Variants in DOCK5 observed in about 807,000 individuals in gnomAD.
DOCK5 encodes the protein dedicator of cytokinesis protein 5.
A neutral mutation model predicts 251.8 loss-of-function variants in DOCK5; 142 were observed. That is an observed-to-expected ratio of 0.56 (90% CI 0.49 to 0.65). DOCK5 has a LOEUF of 0.65. Among genes scored for constraint, DOCK5 ranks in the 30% least tolerant of loss-of-function variants. The probability of loss-of-function intolerance (pLI) is 0.00; values close to 1 mark genes in which losing one functional copy is unlikely to be tolerated. For synonymous variants in DOCK5, 842 were observed against 835.5 expected (o/e 1.01, Z -0.13); for missense variants, 2,111 against 2,312.3 (o/e 0.91, Z 1.79).
chr8:25,191,556 C>G (rs59311903), intron 1 of DOCK5, among the ~76,000 whole-genome samples: 3,404 of 152,200 alleles, frequency 0.022, 134 homozygotes, highest in African/African-American at 0.079. Context: ...CATAGAAGCT[C>G]TTTGGTGGTT....
chr8:25,374,363 G>T (rs569289366), intron 36 of DOCK5, among the ~76,000 whole-genome samples: 36 of 152,158 alleles, frequency 2.4e-4, no homozygotes, highest in Admixed American at 5.2e-4. Flanking sequence ...AATTAGCCGG[G>T]CCTGGTGGCA....
chr8:25,250,627 C>T (rs1803242696), intron 2 of DOCK5, among the ~76,000 whole-genome samples: 1 of 152,188 alleles, frequency 6.6e-6, no homozygotes, highest in Non-Finnish European at 1.5e-5. Flanking sequence ...ATTTATTGAG[C>T]ATGAGAGATG....
At chr8:25,294,194 CTCAGGAAATGGAGCTGCTGTG>C (rs1804562098) in intron 6 of DOCK5, among the ~76,000 whole-genome samples, 1 of 152,148 alleles carries the variant, frequency 6.6e-6, no homozygotes, top group African/African-American at 2.4e-5. Context: ...TTGGAAGTCG[CTCAGGAAATGGAGCTGCTGTG>C]TCAGTGCCTT....
Position 25,368,819 on chromosome 8 carries a change from A to G in DOCK5, c.3438+94A>G, listed in dbSNP as rs904186746. ...ATATAGAGAAGCAGTAACCTTAATAATGCAAGTCCATGTTGATCTGAAAGT... is the reference window on the plus strand; with the variant it reads ...ATATAGAGAAGCAGTAACCTTAATAGTGCAAGTCCATGTTGATCTGAAAGT... On this transcript the variant is annotated intron_variant, in intron 33 of 51. Transcript: ENST00000276440. 6.3e-6 allele frequency: 8 copies of G among 1,261,896 alleles called. No homozygotes were observed. The Admixed American group carries it at 2.2e-4, about 35-fold the overall frequency. 78.2% of individuals were successfully genotyped at this position (1,261,896 alleles called of 1,614,324 possible). A position where few individuals can be genotyped will look rare whatever the true frequency, so the allele number is the denominator to read the frequency against.
intron 2 of DOCK5, among the ~76,000 whole-genome samples, chr8:25,253,851 C>T (rs1277001885): frequency 6.6e-6 from 1 of 152,160 alleles, no homozygotes; most frequent in Non-Finnish European, 1.5e-5. Context: ...AAAGCAATCC[C>T]AATTAAAATC....
intron 22 of DOCK5, among the ~76,000 whole-genome samples, chr8:25,338,293 C>G (rs933001362): frequency 6.6e-6 from 1 of 151,736 alleles, no homozygotes; most frequent in Non-Finnish European, 1.5e-5. Flanking sequence ...TGCCCACCTC[C>G]GCCTCCCAAA....
In DOCK5 at chr8:25,184,838, G is replaced by C. The variant is rs147197943; in HGVS notation, c.-71G>C. ...GCGTCTGGGGCACGCAGGAGCGCGG[G>C]GCGGCGGCGGCCGGAGCCCGAGGAG... is the stretch of plus-strand genomic sequence containing the variant. On this transcript the variant is annotated 5_prime_UTR_variant, in exon 1 of 52. Coordinates refer to ENST00000276440, the MANE Select transcript of DOCK5 (RefSeq NM_024940.8). 0.049 allele frequency: 61,058 copies of C among 1,238,822 alleles called. 2,583 individuals are homozygous for C. Among genetic ancestry groups the C allele is most frequent in the African/African-American group, 0.2 (12,985 of 63,638 alleles). The allele number at this position is 1,238,822 out of a possible 1,614,324, so 76.7% of individuals were successfully genotyped here.
intron 22 of DOCK5, among the ~76,000 whole-genome samples, chr8:25,337,209 C>G (rs1463096630): frequency 2.6e-5 from 4 of 152,088 alleles, no homozygotes; most frequent in Non-Finnish European, 5.9e-5. Context: ...AAATTTCATA[C>G]TATCAAAAGA....
chr8:25,283,209 C>A (rs80038259), intron 5 of DOCK5, among the ~76,000 whole-genome samples: 1 of 152,096 alleles, frequency 6.6e-6, no homozygotes, highest in East Asian at 1.9e-4. Context: ...GATGACTCCC[C>A]CCGTGGTCTC....
chr8:25,402,486 C>T (rs893321361), intron 47 of DOCK5, among the ~76,000 whole-genome samples: 7 of 152,108 alleles, frequency 4.6e-5, no homozygotes, highest in Admixed American at 1.3e-4. Flanking sequence ...TTAGTAGAGA[C>T]GAGGTTTCAC....
Position 25,408,757 on chromosome 8 carries a change from C to A in DOCK5, c.5266-45C>A, listed in dbSNP as rs759669178. ...CTGTTGAGAGCATTGTTGAGCTCAG[C>A]CTTCCTCACCGTGAAAATGTTTTGC... On this transcript the variant is annotated intron_variant, in intron 49 of 51. Transcript: ENST00000276440. The A allele has an allele frequency of 1.5e-5, 24 of 1,607,622 alleles. No individual in the cohort carries two copies. In the Admixed American group the frequency reaches 3.9e-4, roughly 26 times the overall value.
intron 1 of DOCK5, among the ~76,000 whole-genome samples, chr8:25,215,644 TTA>T (rs1802224830): frequency 6.6e-6 from 1 of 152,120 alleles, no homozygotes; most frequent in Admixed American, 6.6e-5. Context: ...GGTCATTGTG[TTA>T]TTTCTATTTC....
chr8:25,317,065 G>T lies in DOCK5; in HGVS notation c.1377G>T (p.Lys459Asn). Residue 459 changes from lysine to asparagine, a missense_variant, in exon 14 of 52, where the codon AAG (lysine) becomes AAT (asparagine). By Grantham distance (94) the Lys-to-Asn change is moderately conservative. This residue lies in a region of DOCK5 where 1,717 missense variants were observed against 1,892.4 expected (regional missense o/e 0.91). Coordinates refer to ENST00000276440, the MANE Select transcript of DOCK5 (RefSeq NM_024940.8). ...TCCACGGTGAGTTTGACAAAGGGAA[G>T]AAGAAGACGCCAAAGAATGTGGAGG... ...TLIHGEFDKGKKKTPKNVEVT... is the reference protein window; with the variant it reads ...TLIHGEFDKGNKKTPKNVEVT... The T allele has an allele frequency of 6.2e-7, 1 of 1,613,992 alleles. No homozygotes were observed. Among genetic ancestry groups the T allele is most frequent in the African/African-American group, 1.3e-5 (1 of 75,054 alleles).
At chr8:25,234,390 A>G (rs181235458) in intron 1 of DOCK5, among the ~76,000 whole-genome samples, 1 of 152,338 alleles carries the variant, frequency 6.6e-6, no homozygotes, top group Non-Finnish European at 1.5e-5. Context: ...GATGTGTACC[A>G]AGAAGAACCT....
chr8:25,343,165 ATT>A (rs35190943), intron 25 of DOCK5, among the ~76,000 whole-genome samples: 11 of 141,636 alleles, frequency 7.8e-5, no homozygotes, highest in Admixed American at 7.1e-5. Flanking sequence ...CACCCAGCTA[ATT>A]TTTTTTTTTT....
intron 2 of DOCK5, among the ~76,000 whole-genome samples, chr8:25,263,236 C>CT (rs10630831): frequency 6.6e-6 from 1 of 151,698 alleles, no homozygotes; most frequent in Admixed American, 6.6e-5. Flanking sequence ...TTGTTTGGGA[C>CT]GTTGTGCTTT....
At chr8:25,195,340 G>A (rs1171174894) in intron 1 of DOCK5, among the ~76,000 whole-genome samples, 1 of 143,678 alleles carries the variant, frequency 7.0e-6, no homozygotes, top group Non-Finnish European at 1.5e-5. Flanking sequence ...TGATTCTCCT[G>A]CCTCAGCCTC....
At chr8:25,242,088 C>A (rs1279184128) in intron 1 of DOCK5, among the ~76,000 whole-genome samples, 4 of 152,010 alleles carry the variant, frequency 2.6e-5, no homozygotes, top group Admixed American at 2.6e-4. Flanking sequence ...ACCACCATGG[C>A]ACGTGTATAC....
intron 2 of DOCK5, among the ~76,000 whole-genome samples, chr8:25,257,009 C>A (rs549153557): frequency 6.6e-6 from 1 of 152,060 alleles, no homozygotes; most frequent in East Asian, 1.9e-4. Context: ...GTCTGGACAC[C>A]CCTAGCATGG....
Sources: allele counts gnomAD v4.1 joint callset (sites outside exome capture counted in the v4.1 genomes callset), GRCh38; gene constraint gnomAD v4.1.1; regional missense constraint gnomAD v4.1.1; transcripts MANE v1.5; gene names NCBI Gene and HGNC (gene_info 2026-07-23, HGNC 2026-07-21).